NPAS3: variants seen among roughly 807,000 people sequenced by gnomAD.
NPAS3 encodes the protein neuronal PAS domain-containing protein 3.
In NPAS3, 14 loss-of-function variants were observed where a neutral mutation model predicts 73.1. The observed-to-expected ratio is 0.19, with a 90% CI of 0.13 to 0.30. NPAS3 has a LOEUF of 0.30. Ranked by LOEUF, NPAS3 falls within the 10% of genes least tolerant of loss-of-function variation. The pLI, the probability that NPAS3 is intolerant of heterozygous loss-of-function variation, is 1.00. For synonymous variants in NPAS3, 620 were observed against 541.5 expected (o/e 1.14, Z -2.01); for missense variants, 1,096 against 1,250.0 (o/e 0.88, Z 1.86).
intron 2 of NPAS3, among the ~76,000 whole-genome samples, chr14:33,185,188 A>G (rs1012389362): frequency 6.6e-6 from 1 of 152,192 alleles, no homozygotes; most frequent in African/African-American, 2.4e-5. Context: ...ACCAGAAACA[A>G]AAGTACATTC....
At chr14:33,008,232 T>C (rs1377780726) in intron 1 of NPAS3, among the ~76,000 whole-genome samples, 1 of 152,188 alleles carries the variant, frequency 6.6e-6, no homozygotes, top group Non-Finnish European at 1.5e-5. Flanking sequence ...ATCTGCACGG[T>C]TAAAAAAAAT....
chr14:33,210,275 T>C (rs2046982456), intron 2 of NPAS3, among the ~76,000 whole-genome samples: 1 of 152,218 alleles, frequency 6.6e-6, no homozygotes, highest in Non-Finnish European at 1.5e-5. Flanking sequence ...ATTGACCTCT[T>C]ATCCAGCTTC....
At chr14:33,570,235 C>G (rs868109112) in intron 5 of NPAS3, among the ~76,000 whole-genome samples, 4 of 152,190 alleles carry the variant, frequency 2.6e-5, no homozygotes, top group African/African-American at 9.7e-5. Context: ...TAAGATCGCT[C>G]CTAGTAAGCA....
chr14:32,938,486 T>TGAGAGAGAGAGAGAAATTGAGAGAGAGA (rs1566779333), upstream of NPAS3, among the ~76,000 whole-genome samples: 38 of 55,906 alleles, frequency 6.8e-4, no homozygotes, highest in Non-Finnish European at 1.0e-3. Flanking sequence ...AGAGAGAAAT[T>TGAGAGAGAGAGAGAAATTGAGAGAGAGA]GAGAGAGAGA....
intron 4 of NPAS3, among the ~76,000 whole-genome samples, chr14:33,515,757 C>A (rs2053267163): frequency 6.6e-6 from 1 of 152,036 alleles, no homozygotes; most frequent in Non-Finnish European, 1.5e-5. Flanking sequence ...GCTTGTAAGC[C>A]CCTTCTAGAA....
At chr14:33,326,842 G>A (rs1033485425) in intron 3 of NPAS3, among the ~76,000 whole-genome samples, 3 of 152,110 alleles carry the variant, frequency 2.0e-5, no homozygotes, top group African/African-American at 4.8e-5. Flanking sequence ...AAGAAATGTC[G>A]GTAGCAGGTA....
chr14:33,756,575 A>C lies in NPAS3; in HGVS notation c.853-17762A>C, dbSNP rs548132654. Among the ~76,000 whole-genome samples, 6 of 152,278 alleles carry C rather than the reference A, an allele frequency of 3.9e-5. No individual in the cohort carries two copies. The East Asian group carries it at 7.7e-4, about 20-fold the overall frequency. ...TTTAGCTGTGTAATCATAACCAAAC[A>C]CTTCATCTCTCTTAGCCTCCAGCTC... On this transcript the variant is annotated intron_variant, in intron 7 of 11. Transcript: ENST00000356141.
At chr14:32,964,659 G>A (rs1419407335) in intron 1 of NPAS3, among the ~76,000 whole-genome samples, 1 of 152,174 alleles carries the variant, frequency 6.6e-6, no homozygotes, top group Non-Finnish European at 1.5e-5. Flanking sequence ...TTTAAAATGT[G>A]TAATTAGAGA....
rs140205294 is a variant in NPAS3 at position 33,730,408 on chromosome 14, T to TA, written c.734-4798dup. ...AGTATGGGCTAGCTTAATGCTACAGTAAAAAAAACAGTCCCCAAATTACAG... is the reference window on the plus strand; with the variant it reads ...AGTATGGGCTAGCTTAATGCTACAGTAAAAAAAAACAGTCCCCAAATTACAG... On this transcript the variant is annotated intron_variant, in intron 6 of 11. Coordinates refer to ENST00000356141, the Ensembl canonical transcript of NPAS3. Among the ~76,000 whole-genome samples the TA allele has an allele frequency of 4.6e-3, 704 of 152,012 alleles. 6 individuals are homozygous for TA. The highest frequency in any genetic ancestry group is 0.014 in the Middle Eastern group (4 of 294).
At chr14:33,222,950 G>C (rs2047486790) in intron 3 of NPAS3, among the ~76,000 whole-genome samples, 1 of 152,106 alleles carries the variant, frequency 6.6e-6, no homozygotes, top group Non-Finnish European at 1.5e-5. Flanking sequence ...GTGGCTCCCT[G>C]GGATGAGCTG....
At chr14:33,612,933 G>A (rs923986925) in intron 5 of NPAS3, among the ~76,000 whole-genome samples, 1 of 152,034 alleles carries the variant, frequency 6.6e-6, no homozygotes, top group Admixed American at 6.6e-5. Flanking sequence ...TTGCATAAAA[G>A]GGGTAGAAAA....
chr14:32,946,336 A>ACACACGCACG (rs1416403664), intron 1 of NPAS3, among the ~76,000 whole-genome samples: 4 of 107,524 alleles, frequency 3.7e-5, no homozygotes, highest in South Asian at 3.1e-4. Flanking sequence ...TCCCCCCAAC[A>ACACACGCACG]CACACACACG....
intron 3 of NPAS3, among the ~76,000 whole-genome samples, chr14:33,252,683 T>C (rs2048633061): frequency 6.6e-6 from 1 of 151,994 alleles, no homozygotes; most frequent in South Asian, 2.1e-4. Flanking sequence ...TGTGCATGTT[T>C]GTTACATGGG....
intron 4 of NPAS3, among the ~76,000 whole-genome samples, chr14:33,448,925 G>A (rs755375997): frequency 6.6e-6 from 1 of 152,126 alleles, no homozygotes; most frequent in Non-Finnish European, 1.5e-5. Context: ...CAAACGATCT[G>A]ATAATAAAGA....
chr14:33,797,861 TAC>T (rs150207254), intron 11 of NPAS3, among the ~76,000 whole-genome samples: 2,152 of 141,728 alleles, frequency 0.015, 57 homozygotes, highest in African/African-American at 0.051. Context: ...TGTATATATA[TAC>T]ATATATATAT....
chr14:33,542,458 C>T (rs1472741446), intron 4 of NPAS3, among the ~76,000 whole-genome samples: 1 of 152,132 alleles, frequency 6.6e-6, no homozygotes, highest in African/African-American at 2.4e-5. Flanking sequence ...TTCTCGTCGC[C>T]CCTCAAGCTC....
chr14:33,240,648 G>T (rs1310221779), intron 3 of NPAS3, among the ~76,000 whole-genome samples: 1 of 151,852 alleles, frequency 6.6e-6, no homozygotes, highest in Non-Finnish European at 1.5e-5. Context: ...CCCATGCTCT[G>T]CTTTTTCCTC....
chr14:33,280,079 G>T (rs2041527503), intron 3 of NPAS3, among the ~76,000 whole-genome samples: 1 of 152,188 alleles, frequency 6.6e-6, no homozygotes, highest in South Asian at 2.1e-4. Flanking sequence ...TTACCTTGCA[G>T]TTCTTGAGTT....
intron 2 of NPAS3, among the ~76,000 whole-genome samples, chr14:33,077,752 T>G (rs2041707947): frequency 7.0e-6 from 1 of 142,514 alleles, no homozygotes; most frequent in African/African-American, 2.5e-5. Flanking sequence ...AGTGTTGCTT[T>G]GCTCAAAACA....
Sources: allele counts gnomAD v4.1 joint callset (sites outside exome capture counted in the v4.1 genomes callset), GRCh38; gene constraint gnomAD v4.1.1; transcripts MANE v1.5; gene names NCBI Gene and HGNC (gene_info 2026-07-23, HGNC 2026-07-21).